CRHR1: variants seen among roughly 807,000 people sequenced by gnomAD.
The protein encoded by CRHR1 is corticotropin releasing hormone receptor 1, also known as corticotropin-releasing hormone receptor 1.
CRHR1 carries 28 observed loss-of-function variants against 56.0 expected under a neutral mutation model. The ratio of observed to expected loss-of-function variants is 0.50; its 90% confidence interval spans 0.37 to 0.69. The LOEUF (loss-of-function observed/expected upper bound fraction) is 0.69. CRHR1 is among the 30% of genes least tolerant of loss of function. The pLI, the probability that CRHR1 is intolerant of heterozygous loss-of-function variation, is 0.00. For missense variants in CRHR1, 376 were observed against 548.0 expected, an observed-to-expected ratio of 0.69 and a Z score of 3.13; for synonymous variants, 195 against 216.5, an observed-to-expected ratio of 0.90 and a Z score of 0.87.
chr17:45,807,158 G>A (rs1282478259), intron 2 of CRHR1, 61 bp downstream of exon 2: 4 of 1,456,988 alleles, frequency 2.7e-6, no homozygotes, highest in Admixed American at 1.7e-5. Context: ...CCTACCCCAG[G>A]TATCCCAGAG....
At chr17:45,803,865 C>G (rs138932399) in intron 1 of CRHR1, among the ~76,000 whole-genome samples, 40 of 152,204 alleles carry the variant, frequency 2.6e-4, no homozygotes, top group African/African-American at 8.7e-4. Context: ...GATTTCTAGT[C>G]CCCTTCTAGA....
intron 2 of CRHR1, among the ~76,000 whole-genome samples, chr17:45,810,624 G>A (rs1159271128): frequency 2.0e-5 from 3 of 152,054 alleles, no homozygotes; most frequent in African/African-American, 4.8e-5. Flanking sequence ...GCAGTTTTCC[G>A]TACCCACACT....
intron 4 of CRHR1, among the ~76,000 whole-genome samples, chr17:45,827,324 G>A (rs1356103033): frequency 1.3e-5 from 2 of 152,216 alleles, no homozygotes; most frequent in East Asian, 1.9e-4. Context: ...CGCTCCTCCC[G>A]CCCAGCCTGG....
intron 1 of CRHR1, among the ~76,000 whole-genome samples, chr17:45,788,339 G>T (rs1287747754): frequency 2.0e-5 from 3 of 152,204 alleles, no homozygotes; most frequent in African/African-American, 7.2e-5. Flanking sequence ...GTAAACAGGG[G>T]TATTGGACTG....
chr17:45,793,376 G>A lies in CRHR1; in HGVS notation c.33+8799G>A, dbSNP rs533443372. On this transcript the variant is annotated intron_variant, in intron 1 of 12. Coordinates refer to ENST00000314537, the MANE Select transcript of CRHR1 (RefSeq NM_004382.5). ...ACAAAGGGGCAAGAAGGTCTCAGAA[G>A]CTGGGGCCTCCAGAGAGCAGGGTCA... 2.0e-5 allele frequency among the ~76,000 whole-genome samples: 3 copies of A among 152,354 alleles called. No individual in the cohort carries two copies. The South Asian group carries it at 6.2e-4, about 32-fold the overall frequency.
intron 1 of CRHR1, among the ~76,000 whole-genome samples, chr17:45,790,174 T>C (rs1312880828): frequency 6.6e-6 from 1 of 152,194 alleles, no homozygotes; most frequent in African/African-American, 2.4e-5. Flanking sequence ...TAGACAGACC[T>C]GAACATCTGG....
At chr17:45,789,015 AAG>A (rs1394733959) in intron 1 of CRHR1, among the ~76,000 whole-genome samples, 1 of 152,218 alleles carries the variant, frequency 6.6e-6, no homozygotes, top group Non-Finnish European at 1.5e-5. Context: ...GTTATTAAAA[AAG>A]AGAAAACAAC....
At chr17:45,830,272 G>T in intron 6 of CRHR1, 58 bp downstream of exon 6, 2 of 1,601,982 alleles carry the variant, frequency 1.2e-6, no homozygotes, top group Non-Finnish European at 8.5e-7. Context: ...CAGAGGAGGG[G>T]CCCGCCTGCC....
intron 11 of CRHR1, 57 bp downstream of exon 11, chr17:45,833,906 A>C: frequency 6.2e-7 from 1 of 1,612,406 alleles, no homozygotes; most frequent in Non-Finnish European, 8.5e-7. Context: ...TGCCAAGCAG[A>C]GGCCTGGAGG....
intron 1 of CRHR1, among the ~76,000 whole-genome samples, chr17:45,786,123 TTTTC>T (rs1267623025): frequency 7.4e-4 from 6 of 8,082 alleles, no homozygotes; most frequent in East Asian, 2.8e-3. Flanking sequence ...GGGTGTTTTC[TTTTC>T]TTTTTTTTTT....
At position 45,834,628 on chromosome 17, in the gene CRHR1, G is replaced by C; in HGVS notation, c.1112G>C (p.Arg371Pro). The C allele has an allele frequency of 1.9e-6, 3 of 1,610,834 alleles. No individual in the cohort carries two copies. Among genetic ancestry groups the C allele is most frequent in the Non-Finnish European group, 2.5e-6 (3 of 1,178,636 alleles). The change falls in exon 13 of 13, where the codon CGT (arginine) becomes CCT (proline). Residue 371 changes from arginine (R) to proline (P), a missense_variant. Arg to Pro is a moderately radical substitution (Grantham distance 103). Coordinates refer to ENST00000314537, the MANE Select transcript of CRHR1 (RefSeq NM_004382.5). ...VFYCFLNSEVRSAIRKRWHRW... is the reference protein window; with the variant it reads ...VFYCFLNSEVPSAIRKRWHRW... ...TGCTCCTCCCTGTGCCCACAGGTCC[G>C]TTCTGCCATCCGGAAGAGGTGGCAC...
intron 4 of CRHR1, among the ~76,000 whole-genome samples, chr17:45,824,263 G>A (rs2062108986): frequency 1.3e-5 from 2 of 152,318 alleles, no homozygotes; most frequent in African/African-American, 4.8e-5. Context: ...CAGAGGAGCG[G>A]GTCAGTGCTG....
intron 1 of CRHR1, among the ~76,000 whole-genome samples, chr17:45,806,767 G>A (rs748459678): frequency 6.6e-6 from 1 of 152,156 alleles, no homozygotes. Context: ...TCCTGATCCT[G>A]TCAGCTTCCC....
chr17:45,807,148 C>A, intron 2 of CRHR1, 51 bp downstream of exon 2: 1 of 1,527,580 alleles, frequency 6.5e-7, no homozygotes, highest in East Asian at 2.3e-5. Flanking sequence ...CACAATGCCC[C>A]CTACCCCAGG....
At chr17:45,821,570 G>T in intron 4 of CRHR1, 130 bp downstream of exon 4, 1 of 889,676 alleles carries the variant, frequency 1.1e-6, no homozygotes, top group East Asian at 2.6e-5. Flanking sequence ...GAAGCTGACT[G>T]GGGAGCTGGA....
chr17:45,789,589 C>T (rs768374866), intron 1 of CRHR1, among the ~76,000 whole-genome samples: 3 of 151,928 alleles, frequency 2.0e-5, no homozygotes, highest in African/African-American at 2.4e-5. Context: ...AGGCTGGTCT[C>T]GAATTCTCAA....
rs891024100 is a variant in CRHR1, at chr17:45,791,118, T to C, written c.33+6541T>C. 3.3e-5 allele frequency among the ~76,000 whole-genome samples: 5 copies of C among 151,870 alleles called. 1 individual carries two copies. In the South Asian group the frequency reaches 1.0e-3, roughly 32 times the overall value. On this transcript the variant is annotated intron_variant, in intron 1 of 12. Coordinates refer to ENST00000314537, the MANE Select transcript of CRHR1 (RefSeq NM_004382.5). ...CTCTTTGGCAAGGTGTGTGAAGGGC[T>C]CATTTCTAGAAAGCCCTTCCTAGCT...
At chr17:45,792,108 T>A (rs557050316) in intron 1 of CRHR1, among the ~76,000 whole-genome samples, 2 of 152,136 alleles carry the variant, frequency 1.3e-5, no homozygotes, top group South Asian at 4.2e-4. Flanking sequence ...ACTAGCAGGT[T>A]AGACAGCCTC....
intron 4 of CRHR1, among the ~76,000 whole-genome samples, chr17:45,827,388 A>G (rs1029166825): frequency 1.2e-4 from 19 of 152,220 alleles, no homozygotes; most frequent in Admixed American, 2.6e-4. Context: ...ACATGTTGTC[A>G]TTACCCAGGG....
Sources: allele counts gnomAD v4.1 joint callset (sites outside exome capture counted in the v4.1 genomes callset), GRCh38; gene constraint gnomAD v4.1.1; transcripts MANE v1.5; gene names NCBI Gene and HGNC (gene_info 2026-07-23, HGNC 2026-07-21).